The following CSMD1 variants were observed in gnomAD, a reference collection of about 807,000 sequenced individuals.
The protein encoded by CSMD1 is CUB and Sushi multiple domains 1.
Under a neutral mutation model 417.5 loss-of-function variants are expected in CSMD1, and 213 were observed. The ratio of observed to expected loss-of-function variants is 0.51; its 90% CI spans 0.46 to 0.57. The LOEUF is 0.57. Ranked by LOEUF, CSMD1 falls within the 20% of genes least tolerant of loss-of-function variation. The pLI, the probability that CSMD1 is intolerant of heterozygous loss-of-function variation, is 0.00. For missense variants in CSMD1, 6,923 were observed against 4,529.7 expected, an observed-to-expected ratio of 1.53 and a Z score of -15.17; for synonymous variants, 2,862 against 1,736.8, an observed-to-expected ratio of 1.65 and a Z score of -16.11.
intron 3 of CSMD1, among the ~76,000 whole-genome samples, chr8:4,255,198 C>A (rs1327886706): frequency 6.6e-6 from 1 of 152,164 alleles, no homozygotes; most frequent in Non-Finnish European, 1.5e-5. Context: ...TGGGTGCCAA[C>A]TAATTTTTAT....
intron 2 of CSMD1, among the ~76,000 whole-genome samples, chr8:4,523,352 T>C (rs1230390857): frequency 3.3e-5 from 5 of 152,220 alleles, no homozygotes; most frequent in Admixed American, 3.3e-4. Flanking sequence ...TGCTGCTTCA[T>C]CAAAGTGACT....
chr8:3,014,659 T>C (rs1333437863), intron 52 of CSMD1, among the ~76,000 whole-genome samples: 1 of 152,148 alleles, frequency 6.6e-6, no homozygotes, highest in Non-Finnish European at 1.5e-5. Flanking sequence ...CCGCCTATAA[T>C]CCCAGCACTT....
intron 5 of CSMD1, among the ~76,000 whole-genome samples, chr8:3,839,414 A>C (rs1215441571): frequency 1.9e-5 from 1 of 53,666 alleles, no homozygotes; most frequent in African/African-American, 5.6e-5. Flanking sequence ...ATAATAAAAA[A>C]TAAATATATA....
chr8:3,670,303 G>T lies in CSMD1; in HGVS notation c.1009+38111C>A, dbSNP rs1219070838. 2.0e-5 allele frequency among the ~76,000 whole-genome samples: 3 copies of T among 151,992 alleles called. No homozygotes were observed. In the East Asian group the frequency reaches 5.8e-4, roughly 29 times the overall value. ...CCTACATCCTTCTCCTGTGCCGGAT[G>T]CTTCCTGCCCTCCAGCATCAGACTC... is the stretch of plus-strand genomic sequence containing the variant. On this transcript the variant is annotated intron_variant, in intron 7 of 69. Transcript: ENST00000635120.
chr8:4,510,461 G>C (rs888281129), intron 2 of CSMD1, among the ~76,000 whole-genome samples: 2 of 134,378 alleles, frequency 1.5e-5, no homozygotes, highest in African/African-American at 2.9e-5. Flanking sequence ...TATTAACTAA[G>C]GGACAAGGGA....
chr8:3,026,194 G>A (rs1211982656), intron 51 of CSMD1, among the ~76,000 whole-genome samples: 1 of 152,194 alleles, frequency 6.6e-6, no homozygotes, highest in Non-Finnish European at 1.5e-5. Flanking sequence ...AGAGGGCCTG[G>A]TGGGGTGGGG....
At chr8:4,365,051 G>A (rs1014201426) in intron 3 of CSMD1, among the ~76,000 whole-genome samples, 6 of 151,968 alleles carry the variant, frequency 3.9e-5, no homozygotes, top group Admixed American at 3.3e-4. Context: ...CAATTGTGAG[G>A]ACATTTTCCA....
chr8:4,326,862 A>G (rs905762), intron 3 of CSMD1, among the ~76,000 whole-genome samples: 1 of 151,954 alleles, frequency 6.6e-6, no homozygotes, highest in African/African-American at 2.4e-5. Context: ...AAGCTTTGGG[A>G]AAGATTTAAC....
At chr8:4,686,993 C>T (rs1035659835) in intron 1 of CSMD1, among the ~76,000 whole-genome samples, 1 of 152,232 alleles carries the variant, frequency 6.6e-6, no homozygotes, top group Non-Finnish European at 1.5e-5. Flanking sequence ...GGCAAGACCA[C>T]TCATGATGCT....
intron 3 of CSMD1, among the ~76,000 whole-genome samples, chr8:4,221,858 G>T (rs189372284): frequency 3.3e-5 from 5 of 152,102 alleles, no homozygotes; most frequent in African/African-American, 1.2e-4. Flanking sequence ...ATTACACTCA[G>T]GAAGGATATT....
chr8:4,309,187 T>G (rs914229293), intron 3 of CSMD1, among the ~76,000 whole-genome samples: 2 of 152,144 alleles, frequency 1.3e-5, no homozygotes, highest in African/African-American at 4.8e-5. Flanking sequence ...ATTCTGAAGG[T>G]TACTTTCAAT....
At chr8:3,068,835 T>C (rs6990371) in intron 49 of CSMD1, among the ~76,000 whole-genome samples, 2,413 of 152,192 alleles carry the variant, frequency 0.016, 68 homozygotes, top group African/African-American at 0.055. Flanking sequence ...ACCTCCAGCA[T>C]TGGGGATTAC....
chr8:4,261,415 G>A (rs1446895688), intron 3 of CSMD1, among the ~76,000 whole-genome samples: 1 of 152,084 alleles, frequency 6.6e-6, no homozygotes, highest in African/African-American at 2.4e-5. Context: ...TGGGGAGAGG[G>A]GAAATGGGGA....
Position 3,406,065 on chromosome 8 carries a change from C to A in CSMD1, c.2228G>T (p.Gly743Val), listed in dbSNP as rs376006949. ...CACGGTGGAGCTCCAGACCACGTTCCCGTCTTGCAGTATGCAGGTAATGGA... is the reference window on the plus strand; with the variant it reads ...CACGGTGGAGCTCCAGACCACGTTCACGTCTTGCAGTATGCAGGTAATGGA... ...SESITCILQDGNVVWSSTVPR... is the reference protein window; with the variant it reads ...SESITCILQDVNVVWSSTVPR... The change falls in exon 15 of 70, where the codon GGG becomes GTG. Residue 743 changes from glycine (G) to valine (V), a missense_variant. Transcript: ENST00000635120. The A allele has an allele frequency of 1.9e-6, 3 of 1,613,794 alleles. No individual in the cohort carries two copies. Among genetic ancestry groups the A allele is most frequent in the African/African-American group, 1.3e-5 (1 of 74,912 alleles).
intron 2 of CSMD1, among the ~76,000 whole-genome samples, chr8:4,608,295 A>G (rs901568509): frequency 1.3e-5 from 2 of 152,216 alleles, no homozygotes; most frequent in African/African-American, 4.8e-5. Flanking sequence ...AGGAGGCCCA[A>G]GGGCAAAGTG....
intron 1 of CSMD1, among the ~76,000 whole-genome samples, chr8:4,786,401 G>A (rs1188255068): frequency 6.6e-6 from 1 of 152,196 alleles, no homozygotes; most frequent in African/African-American, 2.4e-5. Flanking sequence ...TCAAGTAAAT[G>A]AATAAATAAT....
rs1033337213 is a variant in CSMD1 at position 4,139,539 on chromosome 8, T to A, written c.416-107440A>T. Among the ~76,000 whole-genome samples, 78 of 151,042 alleles carry A rather than the reference T, an allele frequency of 5.2e-4. 9 individuals are homozygous for A. Among genetic ancestry groups the A allele is most frequent in the African/African-American group, 1.9e-3 (76 of 40,414 alleles). ...GTGGATCTCAGGGGAGTGGCACTCA[T>A]CCTGCACGACGATCTGCATATAGCT... On this transcript the variant is annotated intron_variant, in intron 3 of 69. Transcript: ENST00000635120.
At chr8:3,773,018 C>T (rs1175577291) in intron 5 of CSMD1, among the ~76,000 whole-genome samples, 2 of 152,096 alleles carry the variant, frequency 1.3e-5, no homozygotes, top group African/African-American at 4.8e-5. Flanking sequence ...GGCAGGACCT[C>T]CTCCCTGTAC....
chr8:4,209,268 C>G (rs559061968), intron 3 of CSMD1, among the ~76,000 whole-genome samples: 1 of 152,146 alleles, frequency 6.6e-6, no homozygotes, highest in East Asian at 1.9e-4. Flanking sequence ...GCCAGCTGGC[C>G]TCTTTCCTTC....
Sources: allele counts gnomAD v4.1 joint callset (sites outside exome capture counted in the v4.1 genomes callset), GRCh38; gene constraint gnomAD v4.1.1; transcripts MANE v1.5; gene names NCBI Gene and HGNC (gene_info 2026-07-23, HGNC 2026-07-21).